The following ATP9B variants were observed in gnomAD, a reference collection of about 807,000 sequenced individuals.
ATP9B encodes probable phospholipid-transporting ATPase IIB.
ATP9B carries 110 observed loss-of-function variants against 146.1 expected under a neutral mutation model. That is an observed-to-expected ratio of 0.75 (90% CI 0.65 to 0.88). The LOEUF is 0.88. ATP9B is among the 40% of genes least tolerant of loss of function. The probability of loss-of-function intolerance (pLI) is 0.00; values close to 1 mark genes in which losing one functional copy is unlikely to be tolerated. For missense variants in ATP9B, 1,499 were observed against 1,496.4 expected, an observed-to-expected ratio of 1.00 and a Z score of -0.03; for synonymous variants, 604 against 569.7, an observed-to-expected ratio of 1.06 and a Z score of -0.86.
At chr18:79,335,809 ACT>A (rs149264816) in intron 17 of ATP9B, among the ~76,000 whole-genome samples, 1 of 152,280 alleles carries the variant, frequency 6.6e-6, no homozygotes, top group African/African-American at 2.4e-5. Context: ...CCAGAGCAAC[ACT>A]CTTATGAGCC....
At chr18:79,124,317 G>C (rs2094243486) in intron 4 of ATP9B, among the ~76,000 whole-genome samples, 1 of 152,218 alleles carries the variant, frequency 6.6e-6, no homozygotes, top group Non-Finnish European at 1.5e-5. Context: ...TACATTTATA[G>C]TGTTAATTTT....
intron 6 of ATP9B, chr18:79,145,311 C>T (rs563008309): frequency 4.9e-5 from 7 of 143,954 alleles, no homozygotes; most frequent in South Asian, 9.9e-5. Flanking sequence ...GGCTGCATGT[C>T]GGGGTTGCTG....
intron 10 of ATP9B, among the ~76,000 whole-genome samples, chr18:79,208,077 C>A (rs180734075): frequency 0.016 from 2,422 of 152,164 alleles, 67 homozygotes; most frequent in African/African-American, 0.056. Context: ...AACCCCGTCT[C>A]TACTAAAAAT....
chr18:79,200,711 C>A, intron 9 of ATP9B, among the ~76,000 whole-genome samples: 1 of 152,190 alleles, frequency 6.6e-6, no homozygotes, highest in Non-Finnish European at 1.5e-5. Flanking sequence ...TATGTCAGAG[C>A]AGAGGTGGAG....
intron 14 of ATP9B, 143 bp downstream of exon 14, chr18:79,303,859 T>C (rs1424468514): frequency 1.8e-6 from 1 of 551,820 alleles, no homozygotes; most frequent in Non-Finnish European, 3.2e-6. Flanking sequence ...TCTGTTCGAA[T>C]ATACGAATCA....
intron 5 of ATP9B, among the ~76,000 whole-genome samples, chr18:79,127,179 C>CTAA (rs1312346279): frequency 2.0e-5 from 3 of 152,136 alleles, no homozygotes; most frequent in African/African-American, 7.2e-5. Context: ...TTATTTTTAA[C>CTAA]ACCTTATTGG....
At chr18:79,178,499 C>T (rs1267136182) in intron 8 of ATP9B, among the ~76,000 whole-genome samples, 1 of 152,108 alleles carries the variant, frequency 6.6e-6, no homozygotes, top group Non-Finnish European at 1.5e-5. Context: ...ATAATGCTAG[C>T]TGCAGCTTGT....
chr18:79,310,924 G>A (rs1241024606), intron 15 of ATP9B, among the ~76,000 whole-genome samples: 2 of 151,366 alleles, frequency 1.3e-5, no homozygotes, highest in East Asian at 3.9e-4. Context: ...GCTAAGCTGA[G>A]CGGATCACCT....
At position 79,327,522 on chromosome 18, in the gene ATP9B, T is replaced by C. The variant is rs894630023; in HGVS notation, c.1774-1619T>C. 5.8e-5 allele frequency among the ~76,000 whole-genome samples: 7 copies of C among 121,516 alleles called. No individual in the cohort carries two copies. In the South Asian group the frequency reaches 1.8e-3, roughly 31 times the overall value. 79.7% of individuals were successfully genotyped at this position (121,516 alleles called of 152,430 possible). ...TAGTGTGCTCTCTCCATGGTTAGCG[T>C]GCTCTCCGTGGTTAGCGTGCTCTCC... On this transcript the variant is annotated intron_variant, in intron 15 of 29. Coordinates refer to ENST00000426216, the MANE Select transcript of ATP9B (RefSeq NM_198531.5).
intron 12 of ATP9B, among the ~76,000 whole-genome samples, chr18:79,265,089 G>T (rs1234011390): frequency 6.6e-6 from 1 of 152,148 alleles, no homozygotes; most frequent in African/African-American, 2.4e-5. Context: ...ACAGGCCCCA[G>T]TGTGCGTTGT....
chr18:79,262,106 C>T (rs2096148349), intron 12 of ATP9B, among the ~76,000 whole-genome samples: 1 of 151,730 alleles, frequency 6.6e-6, no homozygotes, highest in Non-Finnish European at 1.5e-5. Flanking sequence ...CATCTGGACA[C>T]CCCGCTCCCC....
intron 5 of ATP9B, among the ~76,000 whole-genome samples, chr18:79,127,893 C>T (rs8085899): frequency 0.25 from 38,622 of 151,836 alleles, 5,238 homozygotes; most frequent in East Asian, 0.5. Context: ...TGTTTGATTG[C>T]AGCCACTGCT....
rs1401139271 is a variant in ATP9B, at chr18:79,240,786, A to G, written c.1108-12595A>G. Among the ~76,000 whole-genome samples the G allele has an allele frequency of 2.6e-5, 4 of 152,196 alleles. No homozygotes were observed. In the East Asian group the frequency reaches 7.7e-4, roughly 29 times the overall value. On this transcript the variant is annotated intron_variant, in intron 11 of 29. Coordinates refer to ENST00000426216, the MANE Select transcript of ATP9B (RefSeq NM_198531.5). ...AAAGAAGGTTCAACCAGAGACATCC[A>G]ATTTTGAGAATAAAAATAATGTCAC...
intron 13 of ATP9B, among the ~76,000 whole-genome samples, chr18:79,297,625 A>G (rs990615963): frequency 3.3e-5 from 5 of 152,168 alleles, no homozygotes; most frequent in African/African-American, 1.2e-4. Flanking sequence ...ATTTTACTAT[A>G]TTTAGATGTA....
chr18:79,359,667 G>A, intron 26 of ATP9B: 2 of 548,886 alleles, frequency 3.6e-6, no homozygotes, highest in South Asian at 2.1e-5. Context: ...AACATCTCAG[G>A]GAAAAAAATT....
At chr18:79,130,361 GA>G (rs1599769184) in intron 5 of ATP9B, among the ~76,000 whole-genome samples, 1 of 151,100 alleles carries the variant, frequency 6.6e-6, no homozygotes, top group Non-Finnish European at 1.5e-5. Flanking sequence ...GCACACCAAA[GA>G]AACAGTGAAC....
At chr18:79,359,064 A>G (rs1003913147) in intron 25 of ATP9B, among the ~76,000 whole-genome samples, 3 of 152,030 alleles carry the variant, frequency 2.0e-5, no homozygotes, top group Admixed American at 6.6e-5. Flanking sequence ...TCTCGGTGCT[A>G]TTCCTGACAA....
At chr18:79,321,282 C>T (rs963969118) in intron 15 of ATP9B, among the ~76,000 whole-genome samples, 4 of 152,146 alleles carry the variant, frequency 2.6e-5, no homozygotes, top group Non-Finnish European at 5.9e-5. Context: ...ACCAGGTCTG[C>T]GTGAAGTATT....
chr18:79,161,094 TC>T (rs1427383779), intron 7 of ATP9B, among the ~76,000 whole-genome samples: 7 of 152,268 alleles, frequency 4.6e-5, no homozygotes, highest in African/African-American at 1.7e-4. Context: ...TGGAAATTCT[TC>T]CTCAGCCTCT....
Sources: allele counts gnomAD v4.1 joint callset (sites outside exome capture counted in the v4.1 genomes callset), GRCh38; gene constraint gnomAD v4.1.1; transcripts MANE v1.5; gene names NCBI Gene and HGNC (gene_info 2026-07-23, HGNC 2026-07-21).